Variants in NAV3 observed in about 807,000 individuals in gnomAD.
NAV3 encodes the protein pore membrane and/or filament interacting like protein 1.
Under a neutral mutation model 244.7 loss-of-function variants are expected in NAV3, and 87 were observed. The observed-to-expected ratio is 0.36, with a 90% CI of 0.30 to 0.42. NAV3 has a LOEUF of 0.42. Among genes scored for constraint, NAV3 ranks in the 20% least tolerant of loss-of-function variants. The probability of loss-of-function intolerance (pLI) is 1.00; values close to 1 mark genes in which losing one functional copy is unlikely to be tolerated. For synonymous variants in NAV3, 1,126 were observed against 1,042.2 expected (o/e 1.08, Z -1.55); for missense variants, 2,663 against 2,893.3 (o/e 0.92, Z 1.83).
At chr12:77,908,628 A>G (rs1223971839) in intron 1 of NAV3, among the ~76,000 whole-genome samples, 5 of 152,028 alleles carry the variant, frequency 3.3e-5, no homozygotes, top group Non-Finnish European at 7.4e-5. Flanking sequence ...TCCCAAAAAT[A>G]TTACTCATCT....
intron 34 of NAV3, among the ~76,000 whole-genome samples, chr12:78,190,511 G>C (rs1473633947): frequency 1.3e-5 from 2 of 152,014 alleles, no homozygotes; most frequent in African/African-American, 4.8e-5. Context: ...CCTAGAAACT[G>C]TTACAGTAGA....
At chr12:77,988,723 AC>A (rs1870961612) in intron 5 of NAV3, among the ~76,000 whole-genome samples, 1 of 151,706 alleles carries the variant, frequency 6.6e-6, no homozygotes, top group Admixed American at 6.6e-5. Flanking sequence ...ACATCTAAAA[AC>A]CCTTATTTTA....
chr12:77,999,329 T>C (rs568572456), intron 7 of NAV3, among the ~76,000 whole-genome samples: 1 of 152,362 alleles, frequency 6.6e-6, no homozygotes, highest in African/African-American at 2.4e-5. Flanking sequence ...AGTGTTGGGC[T>C]CTACATGGAA....
At chr12:77,951,043 G>T (rs1312238409) in intron 3 of NAV3, 1 of 152,216 alleles carries the variant, frequency 6.6e-6, no homozygotes, top group Non-Finnish European at 1.5e-5. Context: ...AAAAGCAATG[G>T]CAACAAAAGC....
chr12:78,168,337 T>C (rs973376429), intron 23 of NAV3, among the ~76,000 whole-genome samples: 7 of 151,820 alleles, frequency 4.6e-5, no homozygotes, highest in African/African-American at 1.7e-4. Context: ...TTGACAAAAC[T>C]TCAGGTTTGC....
At chr12:78,197,188 C>A in intron 34 of NAV3, 59 bp from the exon 35 acceptor site, 1 of 1,308,242 alleles carries the variant, frequency 7.6e-7, no homozygotes, top group Non-Finnish European at 1.0e-6. Context: ...AAAATATTAA[C>A]TGCTTCCTAT....
chr12:78,151,029 A>G (rs1565727034), intron 22 of NAV3, among the ~76,000 whole-genome samples: 1 of 151,770 alleles, frequency 6.6e-6, no homozygotes, highest in Non-Finnish European at 1.5e-5. Flanking sequence ...GGAAAAGAAA[A>G]CATCTATAGT....
chr12:77,740,510 G>C (rs1323342458), intron 2 of NAV3, among the ~76,000 whole-genome samples: 1 of 151,750 alleles, frequency 6.6e-6, no homozygotes, highest in African/African-American at 2.4e-5. Context: ...TCCAGTACAA[G>C]TTATTTTTGA....
At chr12:77,847,382 T>C (rs1440814961) in intron 1 of NAV3, among the ~76,000 whole-genome samples, 1 of 152,248 alleles carries the variant, frequency 6.6e-6, no homozygotes, top group African/African-American at 2.4e-5. Context: ...GCATCACATT[T>C]TGTCTAGTTA....
intron 22 of NAV3, among the ~76,000 whole-genome samples, chr12:78,157,651 C>T (rs948982679): frequency 1.3e-5 from 2 of 152,052 alleles, no homozygotes; most frequent in African/African-American, 4.8e-5. Context: ...GATATCATCA[C>T]ATTCCTTGCT....
Position 78,007,125 on chromosome 12 carries a change from A to C in NAV3, c.1587A>C (p.Lys529Asn). The C allele has an allele frequency of 6.2e-7, 1 of 1,614,130 alleles. No homozygotes were observed. The highest frequency in any genetic ancestry group is 8.5e-7 in the Non-Finnish European group (1 of 1,180,042). ...TTCCGTCTTCCAGTGGTATTCCAAA[A>C]CCAGGCTCTAAAGTTCCAACAGTAA... Reference protein sequence around the residue: ...SLIPSSSGIPKPGSKVPTVKQ... With the variant: ...SLIPSSSGIPNPGSKVPTVKQ... The change falls in exon 8 of 40, where the codon AAA becomes AAC. Residue 529 changes from lysine to asparagine, a missense_variant. Physicochemically the swap from Lys to Asn is moderately conservative, Grantham distance 94. Around this residue, in one of 6 missense-constraint regions of NAV3, gnomAD observed 1,521 missense variants for 1,497.0 expected, o/e 1.02. Coordinates refer to ENST00000397909, the MANE Select transcript of NAV3 (RefSeq NM_001024383.2).
At chr12:77,744,961 G>T (rs1002594293) in intron 2 of NAV3, among the ~76,000 whole-genome samples, 15 of 151,806 alleles carry the variant, frequency 9.9e-5, no homozygotes, top group African/African-American at 3.4e-4. Context: ...AGTGTTGTTT[G>T]GTACTAGATA....
intron 1 of NAV3, among the ~76,000 whole-genome samples, chr12:77,921,091 T>C (rs1887668032): frequency 2.6e-5 from 4 of 152,166 alleles, no homozygotes; most frequent in Admixed American, 2.0e-4. Flanking sequence ...TTAAGTCTAG[T>C]GGTATGTGAA....
At chr12:77,907,429 G>C (rs1237439170) in intron 1 of NAV3, among the ~76,000 whole-genome samples, 1 of 151,980 alleles carries the variant, frequency 6.6e-6, no homozygotes, top group Non-Finnish European at 1.5e-5. Context: ...TCTCAAGATC[G>C]AGCTCAATTT....
chr12:77,873,751 T>TATAA lies in NAV3; in HGVS notation c.243+42050_243+42051insAATA, dbSNP rs1273005220. Among the ~76,000 whole-genome samples, 17 of 112,266 alleles carry TATAA rather than the reference T, an allele frequency of 1.5e-4. 1 individual carries two copies. Among genetic ancestry groups the TATAA allele is most frequent in the Non-Finnish European group, 2.8e-4 (14 of 49,462 alleles). 73.7% of individuals were successfully genotyped at this position (112,266 alleles called of 152,430 possible). On this transcript the variant is annotated intron_variant, in intron 1 of 39. Transcript: ENST00000397909. Reference sequence around the variant, plus strand: ...AAATACATATGTGTGTGTGTATATATATATATATATATATATGTATATAAC... The same window carrying TATAA: ...AAATACATATGTGTGTGTGTATATATATAAATATATATATATATATGTATATAAC...
At chr12:77,761,302 C>T (rs1280725767) in intron 2 of NAV3, among the ~76,000 whole-genome samples, 4 of 152,128 alleles carry the variant, frequency 2.6e-5, no homozygotes, top group African/African-American at 4.8e-5. Flanking sequence ...CCACCCACTT[C>T]AGCCTTCTAA....
chr12:78,080,338 A>C (rs567083106), intron 12 of NAV3, among the ~76,000 whole-genome samples: 1 of 152,064 alleles, frequency 6.6e-6, no homozygotes, highest in African/African-American at 2.4e-5. Context: ...ATCATTAAAA[A>C]CCCTTTTGTA....
intron 14 of NAV3, among the ~76,000 whole-genome samples, chr12:78,118,626 G>A (rs759814202): frequency 4.6e-5 from 7 of 152,092 alleles, no homozygotes; most frequent in Admixed American, 1.3e-4. Context: ...TTTGTTCTGC[G>A]TTCTTAATGA....
At chr12:77,627,582 A>G (rs1871693599) in intron 2 of NAV3, among the ~76,000 whole-genome samples, 1 of 152,170 alleles carries the variant, frequency 6.6e-6, no homozygotes, top group Admixed American at 6.5e-5. Flanking sequence ...TAAACAGACC[A>G]ATACTAAGTA....
Sources: allele counts gnomAD v4.1 joint callset (sites outside exome capture counted in the v4.1 genomes callset), GRCh38; gene constraint gnomAD v4.1.1; regional missense constraint gnomAD v4.1.1; transcripts MANE v1.5; gene names NCBI Gene and HGNC (gene_info 2026-07-23, HGNC 2026-07-21).